KIF25: variants seen among roughly 807,000 people sequenced by gnomAD.
KIF25 encodes the protein kinesin-like protein KIF25.
In KIF25, 19 loss-of-function variants were observed where a neutral mutation model predicts 32.9. The observed-to-expected ratio is 0.58, with a 90% CI of 0.40 to 0.85. KIF25 has a LOEUF of 0.85. Among genes scored for constraint, KIF25 ranks in the 40% least tolerant of loss-of-function variants. The pLI is 0.00. For missense variants in KIF25, 485 were observed against 507.0 expected, an observed-to-expected ratio of 0.96 and a Z score of 0.42; for synonymous variants, 225 against 213.7, an observed-to-expected ratio of 1.05 and a Z score of -0.46.
chr6:168,017,393 TTTC>T (rs1340742110), intron 4 of KIF25, among the ~76,000 whole-genome samples: 3 of 152,246 alleles, frequency 2.0e-5, no homozygotes, highest in Admixed American at 6.5e-5. Flanking sequence ...AGGTTCATCT[TTTC>T]TTTGCTTAAG....
At chr6:168,043,720 C>T (rs555545687) in intron 12 of KIF25, among the ~76,000 whole-genome samples, 8 of 152,310 alleles carry the variant, frequency 5.3e-5, no homozygotes, top group South Asian at 2.1e-4. Flanking sequence ...GGGGCGGCAC[C>T]GTGGGGCACA....
rs757645823 is a variant in KIF25 at position 168,044,930 on chromosome 6, C to A, written c.1089C>A (p.Val363=). ...GTTTCGGGATCCGAGCTCGGCAAGTCCAGCGAGGCCCTGCCCGAAAGAAGC... is the reference window on the plus strand; with the variant it reads ...GTTTCGGGATCCGAGCTCGGCAAGTACAGCGAGGCCCTGCCCGAAAGAAGC... The part of the protein sequence containing the change: ...GLGFGIRARQ[V]QRGPARKKPP... Residue 363 remains valine, a synonymous_variant, in exon 13 of 13, where the codon GTC becomes GTA. Coordinates refer to ENST00000643607, the MANE Select transcript of KIF25 (RefSeq NM_030615.4). 1 of 1,612,308 alleles carries A rather than the reference C, an allele frequency of 6.2e-7. No homozygotes were observed. The highest frequency in any genetic ancestry group is 1.1e-5 in the South Asian group (1 of 91,046).
intron 2 of KIF25, among the ~76,000 whole-genome samples, 192 bp from the exon 3 acceptor site, chr6:168,002,351 G>A (rs995467146): frequency 4.3e-4 from 65 of 152,206 alleles, no homozygotes; most frequent in Non-Finnish European, 3.7e-4. Context: ...AGACACCTGA[G>A]GCGTGGCCTT....
intron 2 of KIF25, among the ~76,000 whole-genome samples, chr6:168,000,962 G>T (rs2843010): frequency 0.34 from 51,444 of 152,132 alleles, 8,923 homozygotes; most frequent in African/African-American, 0.39. Context: ...CACTTGGCCG[G>T]TTCTACAGTG....
chr6:168,007,744 C>A (rs1393370726), intron 4 of KIF25, among the ~76,000 whole-genome samples: 1 of 151,654 alleles, frequency 6.6e-6, no homozygotes, highest in East Asian at 1.9e-4. Context: ...CCTGATGGCT[C>A]CCGTTGTTAG....
intron 4 of KIF25, among the ~76,000 whole-genome samples, chr6:168,004,079 C>T (rs1430784847): frequency 2.0e-5 from 3 of 152,322 alleles, no homozygotes; most frequent in Non-Finnish European, 4.4e-5. Context: ...CTGAAAGCCT[C>T]CTTGCTTTTT....
Position 168,001,121 on chromosome 6 carries a change from C to T in KIF25, c.-369-1422C>T, listed in dbSNP as rs142698958. Among the ~76,000 whole-genome samples, 205 of 152,326 alleles carry T rather than the reference C, an allele frequency of 1.3e-3. 1 individual carries two copies. Among genetic ancestry groups the T allele is most frequent in the African/African-American group, 4.4e-3 (181 of 41,566 alleles). On this transcript the variant is annotated intron_variant, in intron 2 of 12. Transcript: ENST00000643607. ...TCAAAGGACTGGAAATTGGGCCTGT[C>T]GGATACGTCAGTGTGGCGCGGGACA... is the stretch of plus-strand genomic sequence containing the variant.
chr6:168,026,489 C>T (rs1455013220), intron 5 of KIF25, among the ~76,000 whole-genome samples: 1 of 152,152 alleles, frequency 6.6e-6, no homozygotes, highest in Non-Finnish European at 1.5e-5. Context: ...AACAGTGGAG[C>T]ATATGGTTCT....
intron 3 of KIF25, among the ~76,000 whole-genome samples, chr6:168,003,170 C>T (rs2258963): frequency 0.26 from 40,083 of 151,966 alleles, 5,961 homozygotes; most frequent in Non-Finnish European, 0.36. Context: ...GATATTTAAG[C>T]GTTCTTACTG....
chr6:168,012,266 C>T (rs963366038), intron 4 of KIF25, among the ~76,000 whole-genome samples: 2 of 152,184 alleles, frequency 1.3e-5, no homozygotes, highest in Admixed American at 6.5e-5. Context: ...TTCATGGTTG[C>T]TGTGTCCCTA....
In KIF25 at chr6:168,040,188, A is replaced by G; in HGVS notation, c.618A>G (p.Leu206=). 1.2e-6 allele frequency: 2 copies of G among 1,613,772 alleles called. No homozygotes were observed. The highest frequency in any genetic ancestry group is 1.7e-6 in the Non-Finnish European group (2 of 1,179,896). ...SRSHLIITVT[L]TTASCSDSTA... is the part of the protein sequence containing the mutation. ...CTCACCTGATAATTACGGTGACTCT[A>G]ACCACAGCCTCCTGCTCTGACAGCA... is the stretch of plus-strand genomic sequence containing the variant. Residue 206 remains leucine, a synonymous_variant, in exon 10 of 13, where the codon CTA becomes CTG. Transcript: ENST00000643607.
At chr6:167,999,474 G>T (rs777936151) in intron 2 of KIF25, among the ~76,000 whole-genome samples, 154 bp downstream of exon 2, 6 of 152,194 alleles carry the variant, frequency 3.9e-5, no homozygotes, top group Admixed American at 6.5e-5. Flanking sequence ...GGATGGCGCT[G>T]TCTTGCTGAC....
chr6:168,027,282 G>A (rs556835742), intron 5 of KIF25, among the ~76,000 whole-genome samples: 2 of 152,022 alleles, frequency 1.3e-5, no homozygotes, highest in Admixed American at 6.6e-5. Flanking sequence ...GTGAAATCCC[G>A]TCTCCACTAA....
rs947385071 is a variant in KIF25, at chr6:168,028,372, C to T, written c.-94-1120C>T. ...GCCTGTAACACCACTTATTAAAACA[C>T]CTCTCTCCCCACTGACCTGAGATGC... On this transcript the variant is annotated intron_variant, in intron 5 of 12. Coordinates refer to ENST00000643607, the MANE Select transcript of KIF25 (RefSeq NM_030615.4). 2.0e-5 allele frequency among the ~76,000 whole-genome samples: 3 copies of T among 152,012 alleles called. No homozygotes were observed. The East Asian group carries it at 5.8e-4, about 29-fold the overall frequency.
intron 4 of KIF25, among the ~76,000 whole-genome samples, chr6:168,009,869 A>G (rs1286491985): frequency 6.6e-6 from 1 of 151,952 alleles, no homozygotes; most frequent in Non-Finnish European, 1.5e-5. Context: ...ATGGTTGTTT[A>G]TAGTAGTTCT....
At chr6:168,027,260 C>G (rs1798873805) in intron 5 of KIF25, among the ~76,000 whole-genome samples, 1 of 152,050 alleles carries the variant, frequency 6.6e-6, no homozygotes, top group African/African-American at 2.4e-5. Context: ...CGAGACCACC[C>G]TGGGCAACAT....
intron 9 of KIF25, among the ~76,000 whole-genome samples, chr6:168,039,269 A>C (rs754077833): frequency 6.6e-6 from 1 of 152,174 alleles, no homozygotes; most frequent in Non-Finnish European, 1.5e-5. Flanking sequence ...TGCCCACCCC[A>C]CTCAGGCTAG....
chr6:168,018,106 G>A (rs892270925), intron 5 of KIF25, 66 bp downstream of exon 5: 1 of 152,414 alleles, frequency 6.6e-6, no homozygotes, highest in Non-Finnish European at 1.5e-5. Context: ...TTTGCATTGG[G>A]GTTTGAGTAA....
At chr6:168,031,485 TAC>T in intron 7 of KIF25, among the ~76,000 whole-genome samples, 1 of 152,310 alleles carries the variant, frequency 6.6e-6, no homozygotes, top group South Asian at 2.1e-4. Flanking sequence ...AAACTGTAAT[TAC>T]ACAGTGTGCT....
Sources: gnomAD v4.1 joint callset for allele counts (sites outside exome capture counted in the v4.1 genomes callset) on GRCh38, gnomAD v4.1.1 for gene constraint, MANE v1.5 for transcripts, NCBI Gene and HGNC (gene_info 2026-07-23, HGNC 2026-07-21) for gene names.